The following NEK11 variants were observed in gnomAD, a reference collection of about 807,000 sequenced individuals.
NEK11 encodes serine/threonine-protein kinase Nek11.
In NEK11, 72 loss-of-function variants were observed where a neutral mutation model predicts 80.7. The observed-to-expected ratio is 0.89, with a 90% CI of 0.74 to 1.08. The LOEUF is 1.08. Ranked by LOEUF, NEK11 falls within the 50% of genes least tolerant of loss-of-function variation. The pLI, the probability that NEK11 is intolerant of heterozygous loss-of-function variation, is 0.00. For synonymous variants in NEK11, 251 were observed against 260.7 expected (o/e 0.96, Z 0.36); for missense variants, 764 against 763.6 (o/e 1.00, Z -0.01).
intron 14 of NEK11, among the ~76,000 whole-genome samples, chr3:131,177,742 G>T (rs2093115373): frequency 6.6e-6 from 1 of 152,120 alleles, no homozygotes; most frequent in Non-Finnish European, 1.5e-5. Context: ...TCTTTGGAAA[G>T]CACTTTAAAA....
intron 3 of NEK11, among the ~76,000 whole-genome samples, chr3:131,075,097 CA>C (rs1168086442): frequency 6.6e-6 from 1 of 152,144 alleles, no homozygotes; most frequent in Non-Finnish European, 1.5e-5. Flanking sequence ...TGCACTGCAC[CA>C]TGATGCCCCT....
intron 17 of NEK11, among the ~76,000 whole-genome samples, chr3:131,300,458 C>T (rs2096648801): frequency 6.6e-6 from 1 of 152,052 alleles, no homozygotes; most frequent in Admixed American, 6.6e-5. Flanking sequence ...TTTGCCAAGG[C>T]CTATGTGTAG....
At chr3:131,310,005 A>C (rs984707993) in intron 17 of NEK11, among the ~76,000 whole-genome samples, 31 of 147,230 alleles carry the variant, frequency 2.1e-4, no homozygotes, top group African/African-American at 6.9e-4. Context: ...AAAAAAAAAA[A>C]AAAAAAAAAA....
At chr3:131,042,115 C>T (rs901294937) in intron 3 of NEK11, among the ~76,000 whole-genome samples, 1 of 152,196 alleles carries the variant, frequency 6.6e-6, no homozygotes, top group African/African-American at 2.4e-5. Flanking sequence ...CAGGAGATTC[C>T]ATCAGGGGCC....
chr3:131,261,407 C>T (rs1380883576), intron 16 of NEK11, among the ~76,000 whole-genome samples: 2 of 152,174 alleles, frequency 1.3e-5, no homozygotes, highest in African/African-American at 4.8e-5. Context: ...ATAACATTTA[C>T]TGTTGGTCCC....
rs578109526 is a variant in NEK11 at position 131,109,103 on chromosome 3, A to T, written c.337-700A>T. On this transcript the variant is annotated intron_variant, in intron 4 of 17. Transcript: ENST00000383366. ...GCATATATAGGTAATATAATAAAAAATAATTTAGATTGAAGGTTTGTGTGA... is the reference window on the plus strand; with the variant it reads ...GCATATATAGGTAATATAATAAAAATTAATTTAGATTGAAGGTTTGTGTGA... Among the ~76,000 whole-genome samples the T allele has an allele frequency of 2.4e-3, 360 of 152,256 alleles. 1 individual carries two copies. The highest frequency in any genetic ancestry group is 8.2e-3 in the African/African-American group (339 of 41,568).
At chr3:131,115,950 CTT>C (rs772057228) in intron 5 of NEK11, among the ~76,000 whole-genome samples, 9 of 124,916 alleles carry the variant, frequency 7.2e-5, no homozygotes, top group Non-Finnish European at 1.0e-4. Flanking sequence ...TTCTTTCTTT[CTT>C]TCTTTCTTTC....
At chr3:131,315,933 C>A (rs1298220981) in intron 17 of NEK11, among the ~76,000 whole-genome samples, 1 of 152,128 alleles carries the variant, frequency 6.6e-6, no homozygotes, top group Non-Finnish European at 1.5e-5. Context: ...ATATTTACCA[C>A]ATTTTCTTTA....
intron 15 of NEK11, among the ~76,000 whole-genome samples, chr3:131,236,139 C>A (rs1006258134): frequency 6.6e-6 from 1 of 152,156 alleles, no homozygotes; most frequent in Non-Finnish European, 1.5e-5. Context: ...TGGCAATAAA[C>A]CTCCCTTAAA....
At chr3:131,110,720 G>T (rs959527306) in intron 5 of NEK11, among the ~76,000 whole-genome samples, 1 of 152,108 alleles carries the variant, frequency 6.6e-6, no homozygotes. Flanking sequence ...ACGAAAGGGG[G>T]TAATTTATAA....
intron 1 of NEK11, chr3:131,027,367 C>T (rs958544784): frequency 4.6e-5 from 7 of 152,006 alleles, no homozygotes; most frequent in Non-Finnish European, 4.4e-5. Flanking sequence ...ATAAATACTC[C>T]TTCCGTTGTC....
At chr3:131,155,151 C>T (rs777412314) in intron 10 of NEK11, 30 bp downstream of exon 10, 1 of 1,360,300 alleles carries the variant, frequency 7.4e-7, no homozygotes, top group Non-Finnish European at 1.1e-6. Context: ...TTAAAAAGCC[C>T]ATCGAGTGTA....
intron 17 of NEK11, among the ~76,000 whole-genome samples, chr3:131,279,902 C>T (rs2096368255): frequency 6.6e-6 from 1 of 152,172 alleles, no homozygotes; most frequent in Non-Finnish European, 1.5e-5. Context: ...TAAGAGTCTG[C>T]TGTTAGAGAA....
intron 16 of NEK11, among the ~76,000 whole-genome samples, chr3:131,257,806 G>A (rs898340869): frequency 2.0e-5 from 3 of 152,070 alleles, no homozygotes; most frequent in African/African-American, 4.8e-5. Flanking sequence ...ATTCAATCCA[G>A]CAATCTCACT....
chr3:131,337,467 G>A (rs1561615139), intron 17 of NEK11, among the ~76,000 whole-genome samples: 1 of 151,814 alleles, frequency 6.6e-6, no homozygotes, highest in Non-Finnish European at 1.5e-5. Context: ...GACTGTTGTG[G>A]GGTGGGGGGA....
chr3:131,195,982 A>T (rs1014144689), intron 14 of NEK11, among the ~76,000 whole-genome samples: 1 of 151,340 alleles, frequency 6.6e-6, no homozygotes, highest in Non-Finnish European at 1.5e-5. Context: ...AGCGTATTTT[A>T]TGTGGGTTTG....
chr3:131,083,077 T>C (rs940674839), intron 4 of NEK11, among the ~76,000 whole-genome samples: 2 of 152,222 alleles, frequency 1.3e-5, no homozygotes, highest in Non-Finnish European at 2.9e-5. Context: ...TCTTTGCCTC[T>C]ACCCCAGCCA....
intron 14 of NEK11, among the ~76,000 whole-genome samples, chr3:131,225,893 C>T (rs2095178659): frequency 6.6e-6 from 1 of 152,082 alleles, no homozygotes; most frequent in African/African-American, 2.4e-5. Flanking sequence ...TATAAACATA[C>T]ATATATAAGC....
At chr3:131,274,952 C>T (rs1273711756) in intron 17 of NEK11, among the ~76,000 whole-genome samples, 2 of 150,980 alleles carry the variant, frequency 1.3e-5, no homozygotes, top group Admixed American at 6.6e-5. Context: ...CGCGCCCGGC[C>T]GTTTCCTGAC....
Sources: allele counts gnomAD v4.1 joint callset (sites outside exome capture counted in the v4.1 genomes callset), GRCh38; gene constraint gnomAD v4.1.1; transcripts MANE v1.5; gene names NCBI Gene and HGNC (gene_info 2026-07-23, HGNC 2026-07-21).